The following GPHN variants were observed in gnomAD, a reference collection of about 807,000 sequenced individuals.
GPHN encodes the protein gephyrin.
GPHN carries 17 observed loss-of-function variants against 95.5 expected under a neutral mutation model. The ratio of observed to expected loss-of-function variants is 0.18; its 90% confidence interval spans 0.12 to 0.27. The LOEUF (loss-of-function observed/expected upper bound fraction) is 0.27. Among genes scored for constraint, GPHN ranks in the 10% least tolerant of loss-of-function variants. The pLI, the probability that GPHN is intolerant of heterozygous loss-of-function variation, is 1.00. For synonymous variants in GPHN, 320 were observed against 322.5 expected (o/e 0.99, Z 0.08); for missense variants, 660 against 978.1 (o/e 0.67, Z 4.34).
At chr14:66,608,128 G>A (rs1034086421) in intron 1 of GPHN, among the ~76,000 whole-genome samples, 4 of 148,792 alleles carry the variant, frequency 2.7e-5, no homozygotes, top group East Asian at 4.0e-4. Flanking sequence ...ATTTGGCACC[G>A]TAAACTTTCC....
intron 2 of GPHN, among the ~76,000 whole-genome samples, chr14:66,770,581 A>T (rs2059129343): frequency 6.6e-6 from 1 of 152,202 alleles, no homozygotes; most frequent in Admixed American, 6.5e-5. Flanking sequence ...ATATACACAT[A>T]TCACAGCTTT....
intron 1 of GPHN, among the ~76,000 whole-genome samples, chr14:66,624,766 A>C (rs951220841): frequency 6.6e-6 from 1 of 152,214 alleles, no homozygotes; most frequent in Non-Finnish European, 1.5e-5. Context: ...GCAAAGCCAA[A>C]ACTATTTACT....
intron 1 of GPHN, among the ~76,000 whole-genome samples, chr14:66,562,997 T>G: frequency 6.6e-6 from 1 of 152,144 alleles, no homozygotes; most frequent in Non-Finnish European, 1.5e-5. Flanking sequence ...ATGTGTAAGA[T>G]ATATTCACAG....
the GPHN span, chr14:67,571,872 G>A: frequency 6.2e-6 from 10 of 1,612,798 alleles, no homozygotes; most frequent in South Asian, 2.2e-5. Context: ...GAAGACCAGC[G>A]GACTAGGCAG....
chr14:66,884,441 T>C (rs2064086447), intron 5 of GPHN, among the ~76,000 whole-genome samples: 2 of 152,226 alleles, frequency 1.3e-5, no homozygotes, highest in Admixed American at 1.3e-4. Context: ...ATCCCTGACT[T>C]CATATTTACT....
At chr14:66,796,439 T>C (rs533402725) in intron 3 of GPHN, among the ~76,000 whole-genome samples, 2 of 152,150 alleles carry the variant, frequency 1.3e-5, no homozygotes, top group South Asian at 4.1e-4. Context: ...AAACTATTCT[T>C]CATAGAGTTT....
chr14:67,677,363 A>ATTTTTTTTTTTTTTTTTTTTTTT, the GPHN span: 6 of 31,978 alleles, frequency 1.9e-4, no homozygotes, highest in African/African-American at 2.7e-4. Context: ...TGTTTTTAGG[A>ATTTTTTTTTTTTTTTTTTTTTTT]TTTTTTTTTT....
At chr14:66,843,359 T>G (rs1302698475) in intron 4 of GPHN, among the ~76,000 whole-genome samples, 1 of 152,186 alleles carries the variant, frequency 6.6e-6, no homozygotes, top group Non-Finnish European at 1.5e-5. Context: ...CCCTGCCCAA[T>G]CTATGCCTGT....
At chr14:67,229,040 C>G in the GPHN span, among the ~76,000 whole-genome samples, 1 of 152,238 alleles carries the variant, frequency 6.6e-6, no homozygotes, top group Admixed American at 6.5e-5. Flanking sequence ...CATTATCTCA[C>G]TTAATCTTCA....
the GPHN span, among the ~76,000 whole-genome samples, chr14:67,479,788 G>A: frequency 2.6e-5 from 4 of 152,214 alleles, no homozygotes; most frequent in South Asian, 2.1e-4. Context: ...TATAGAAGGT[G>A]TTCAATGAAT....
At chr14:67,128,522 CAT>C (rs2079482164) in intron 17 of GPHN, among the ~76,000 whole-genome samples, 1 of 152,170 alleles carries the variant, frequency 6.6e-6, no homozygotes, top group African/African-American at 2.4e-5. Context: ...ACTGAACAAA[CAT>C]ATATTTATAA....
the GPHN span, among the ~76,000 whole-genome samples, chr14:67,372,632 T>C: frequency 6.6e-6 from 1 of 152,056 alleles, no homozygotes. Flanking sequence ...AGATTGAGAC[T>C]ATCCTGGCCA....
In GPHN at chr14:66,508,297, G is replaced by A. The variant is rs1594760994; in HGVS notation, c.-231G>A. On this transcript the variant is annotated 5_prime_UTR_variant, in exon 1 of 23. Coordinates refer to ENST00000478722, the MANE Select transcript of GPHN (RefSeq NM_020806.5). Reference sequence around the variant, plus strand: ...CTTGCCTCCTTCTTGCCGGACTTGGGGCCGCGCGCCCTGACTCCTTCCCCT... The same window carrying A: ...CTTGCCTCCTTCTTGCCGGACTTGGAGCCGCGCGCCCTGACTCCTTCCCCT... 1 of 588,428 alleles carries A rather than the reference G, an allele frequency of 1.7e-6. No homozygotes were observed. Among genetic ancestry groups the A allele is most frequent in the South Asian group, 2.0e-5 (1 of 50,592 alleles). 36.5% of individuals were successfully genotyped at this position (588,428 alleles called of 1,614,324 possible).
chr14:67,111,399 C>G (rs2078363444), intron 14 of GPHN, among the ~76,000 whole-genome samples: 1 of 152,116 alleles, frequency 6.6e-6, no homozygotes. Flanking sequence ...TACTACCAGG[C>G]AAACTATAAG....
intron 5 of GPHN, among the ~76,000 whole-genome samples, chr14:66,899,071 T>C (rs748403855): frequency 2.6e-5 from 4 of 151,798 alleles, no homozygotes; most frequent in Non-Finnish European, 4.4e-5. Flanking sequence ...TGATTTTATA[T>C]TCTACAGCCT....
rs745338809 is a variant in GPHN, at chr14:67,110,174, G to T, written c.1328G>T (p.Arg443Leu). 6.2e-7 allele frequency: 1 copy of T among 1,612,536 alleles called. No homozygotes were observed. Among genetic ancestry groups the T allele is most frequent in the Non-Finnish European group, 8.5e-7 (1 of 1,178,642 alleles). Residue 443 changes from arginine (R) to leucine (L), a missense_variant, in exon 14 of 23, where the codon CGG becomes CTG. By Grantham distance (102) the Arg-to-Leu change is moderately radical. Around this residue, in one of 6 missense-constraint regions of GPHN, gnomAD observed 257 missense variants for 376.2 expected, o/e 0.68. Coordinates refer to ENST00000478722, the MANE Select transcript of GPHN (RefSeq NM_020806.5). ...TQTVMPGQVM[R>L]VTTGAPIPCG... ...ACAGTAATGCCAGGACAAGTCATGC[G>T]GGTTACAACAGGTGCTCCAATACCC... is the stretch of plus-strand genomic sequence containing the variant.
At chr14:67,105,065 C>A (rs566360519) in intron 13 of GPHN, among the ~76,000 whole-genome samples, 77 of 152,000 alleles carry the variant, frequency 5.1e-4, no homozygotes, top group African/African-American at 1.6e-3. Context: ...TTTGGGAAAT[C>A]TATTTATCTC....
intron 1 of GPHN, among the ~76,000 whole-genome samples, chr14:66,633,282 G>A (rs940097211): frequency 6.6e-5 from 10 of 152,022 alleles, no homozygotes; most frequent in African/African-American, 2.2e-4. Context: ...AAGAAAAACA[G>A]CACAATTTGA....
chr14:66,706,237 C>T (rs893679494), intron 2 of GPHN, among the ~76,000 whole-genome samples: 3 of 152,058 alleles, frequency 2.0e-5, no homozygotes, highest in Non-Finnish European at 4.4e-5. Context: ...TCATACTACC[C>T]AAAGTAATGT....
Sources: gnomAD v4.1 joint callset for allele counts (sites outside exome capture counted in the v4.1 genomes callset) on GRCh38, gnomAD v4.1.1 for gene constraint, gnomAD v4.1.1 regional missense constraint, MANE v1.5 for transcripts, NCBI Gene and HGNC (gene_info 2026-07-23, HGNC 2026-07-21) for gene names.